LHFPL3: variants seen among roughly 807,000 people sequenced by gnomAD.
LHFPL3 encodes the protein LHFPL tetraspan subfamily member 3 protein.
In LHFPL3, 5 loss-of-function variants were observed where a neutral mutation model predicts 19.3. The ratio of observed to expected loss-of-function variants is 0.26; its 90% CI spans 0.14 to 0.54. The LOEUF is 0.54. Ranked by LOEUF, LHFPL3 falls within the 20% of genes least tolerant of loss-of-function variation. The pLI is 0.94. For synonymous variants in LHFPL3, 133 were observed against 126.2 expected (o/e 1.05, Z -0.36); for missense variants, 249 against 307.4 (o/e 0.81, Z 1.42).
intron 2 of LHFPL3, among the ~76,000 whole-genome samples, chr7:104,864,488 G>T (rs1018021279): frequency 1.3e-5 from 2 of 152,230 alleles, no homozygotes; most frequent in Non-Finnish European, 2.9e-5. Context: ...CTGGCTTGGA[G>T]AGTCCTACGC....
At chr7:104,660,517 A>C (rs1435117227) in intron 1 of LHFPL3, among the ~76,000 whole-genome samples, 2 of 152,212 alleles carry the variant, frequency 1.3e-5, no homozygotes, top group African/African-American at 4.8e-5. Flanking sequence ...ATTTCTATCA[A>C]GTGGATGCAG....
At chr7:104,476,464 T>C (rs1007757689) in intron 1 of LHFPL3, among the ~76,000 whole-genome samples, 1 of 146,902 alleles carries the variant, frequency 6.8e-6, no homozygotes, top group African/African-American at 2.5e-5. Context: ...TTTTTTTTTT[T>C]ATTTTTATTT....
In LHFPL3 at chr7:104,688,318, C is replaced by T. The variant is rs539888262; in HGVS notation, c.446-48357C>T. Among the ~76,000 whole-genome samples the T allele has an allele frequency of 2.6e-5, 4 of 152,274 alleles. No homozygotes were observed. In the South Asian group the frequency reaches 8.3e-4, roughly 32 times the overall value. ...AGATTGCCCTGAGTGAAAGTCTTAA[C>T]TCCTGTAGACAAAGGGCTGAAATTG... On this transcript the variant is annotated intron_variant, in intron 1 of 2. Coordinates refer to ENST00000424859, the MANE Select transcript of LHFPL3 (RefSeq NM_199000.3).
At chr7:104,482,016 A>G (rs1477472198) in intron 1 of LHFPL3, among the ~76,000 whole-genome samples, 3 of 152,094 alleles carry the variant, frequency 2.0e-5, no homozygotes, top group Non-Finnish European at 2.9e-5. Context: ...TCCCTGGAGA[A>G]TTACCCTTAT....
chr7:104,587,518 A>G (rs1450603681), intron 1 of LHFPL3, among the ~76,000 whole-genome samples: 1 of 152,172 alleles, frequency 6.6e-6, no homozygotes, highest in Admixed American at 6.5e-5. Flanking sequence ...CCAGTCTATC[A>G]TTGTTGGACA....
intron 2 of LHFPL3, among the ~76,000 whole-genome samples, chr7:104,889,028 T>A (rs1562826764): frequency 2.0e-5 from 3 of 152,060 alleles, no homozygotes. Flanking sequence ...AAAAAAGAAG[T>A]AAAGGTATAC....
At chr7:104,640,563 A>T (rs892438752) in intron 1 of LHFPL3, among the ~76,000 whole-genome samples, 2 of 152,160 alleles carry the variant, frequency 1.3e-5, no homozygotes, top group Admixed American at 6.5e-5. Flanking sequence ...GCTATTATAA[A>T]TAGTGCTGCA....
At chr7:104,562,496 T>G (rs1356877900) in intron 1 of LHFPL3, among the ~76,000 whole-genome samples, 2 of 152,232 alleles carry the variant, frequency 1.3e-5, no homozygotes, top group Non-Finnish European at 1.5e-5. Context: ...GCTTCTGCAT[T>G]CTTCACGTAG....
At chr7:104,655,221 C>T (rs980328684) in intron 1 of LHFPL3, among the ~76,000 whole-genome samples, 12 of 152,146 alleles carry the variant, frequency 7.9e-5, no homozygotes, top group Non-Finnish European at 1.0e-4. Context: ...TCTGTCTCTT[C>T]GGTTGTCTGT....
intron 2 of LHFPL3, among the ~76,000 whole-genome samples, chr7:104,853,410 T>A (rs1791447207): frequency 6.6e-6 from 1 of 152,200 alleles, no homozygotes; most frequent in Admixed American, 6.5e-5. Context: ...GCCTGGGGGA[T>A]CTTTCTCTCC....
At chr7:104,402,927 G>A (rs1313928626) in intron 1 of LHFPL3, among the ~76,000 whole-genome samples, 2 of 152,006 alleles carry the variant, frequency 1.3e-5, no homozygotes, top group African/African-American at 4.8e-5. Context: ...GAAGCTGGAA[G>A]CCATTATTCT....
intron 1 of LHFPL3, among the ~76,000 whole-genome samples, chr7:104,490,088 T>G (rs1793313560): frequency 7.2e-5 from 11 of 152,194 alleles, no homozygotes; most frequent in Admixed American, 7.2e-4. Flanking sequence ...TATGTCCTTG[T>G]TAGGCAGTTT....
At chr7:104,510,661 T>C (rs62485122) in intron 1 of LHFPL3, among the ~76,000 whole-genome samples, 21 of 152,262 alleles carry the variant, frequency 1.4e-4, no homozygotes, top group Non-Finnish European at 2.2e-4. Context: ...AAAAACACAG[T>C]GCATAAAATG....
chr7:104,706,558 C>T (rs1288030622), intron 1 of LHFPL3, among the ~76,000 whole-genome samples: 3 of 152,214 alleles, frequency 2.0e-5, no homozygotes, highest in African/African-American at 4.8e-5. Context: ...AATTTAAGTT[C>T]AGTAAAGATT....
At chr7:104,709,431 A>T (rs1349840374) in intron 1 of LHFPL3, among the ~76,000 whole-genome samples, 1 of 119,294 alleles carries the variant, frequency 8.4e-6, no homozygotes, top group Admixed American at 9.2e-5. Flanking sequence ...AGTGGTGATG[A>T]CTCTTAACGA....
intron 1 of LHFPL3, among the ~76,000 whole-genome samples, chr7:104,710,205 T>A (rs1793275553): frequency 6.6e-6 from 1 of 152,232 alleles, no homozygotes; most frequent in Non-Finnish European, 1.5e-5. Flanking sequence ...GCCAATACTT[T>A]GAAATAAGTT....
intron 2 of LHFPL3, among the ~76,000 whole-genome samples, chr7:104,802,539 G>C (rs1415471473): frequency 6.7e-6 from 1 of 148,860 alleles, no homozygotes; most frequent in Non-Finnish European, 1.5e-5. Context: ...AGGGAAGGCA[G>C]CTTCCCTCCC....
intron 1 of LHFPL3, among the ~76,000 whole-genome samples, chr7:104,596,441 G>A (rs977735882): frequency 1.3e-5 from 2 of 152,190 alleles, no homozygotes; most frequent in Non-Finnish European, 2.9e-5. Context: ...CTCTTAGTAT[G>A]ATTTATTGAT....
intron 1 of LHFPL3, among the ~76,000 whole-genome samples, chr7:104,712,697 C>T (rs1760123053): frequency 6.6e-6 from 1 of 152,174 alleles, no homozygotes; most frequent in African/African-American, 2.4e-5. Context: ...ATCTTACCAA[C>T]ACCTTGATTT....
Sources: allele counts gnomAD v4.1 joint callset (sites outside exome capture counted in the v4.1 genomes callset), GRCh38; gene constraint gnomAD v4.1.1; transcripts MANE v1.5; gene names NCBI Gene and HGNC (gene_info 2026-07-23, HGNC 2026-07-21).